Variants in FCHSD2 observed in about 807,000 individuals in gnomAD.
FCHSD2 encodes FCH and double SH3 domains 2.
Under a neutral mutation model 108.1 loss-of-function variants are expected in FCHSD2, and 38 were observed. The observed-to-expected ratio is 0.35, with a 90% CI of 0.27 to 0.46. The LOEUF is 0.46. FCHSD2 is among the 20% of genes least tolerant of loss of function. The pLI is 1.00. For missense variants in FCHSD2, 751 were observed against 897.8 expected (o/e 0.84, Z 2.09); for synonymous variants, 279 against 314.7 (o/e 0.89, Z 1.20).
chr11:73,058,193 T>C (rs1389229872), intron 3 of FCHSD2, among the ~76,000 whole-genome samples: 1 of 152,126 alleles, frequency 6.6e-6, no homozygotes, highest in Admixed American at 6.6e-5. Context: ...CTGTATTCTT[T>C]AAAGGTATTG....
intron 2 of FCHSD2, among the ~76,000 whole-genome samples, chr11:73,120,596 G>A (rs1419061547): frequency 1.3e-5 from 2 of 152,040 alleles, no homozygotes; most frequent in Non-Finnish European, 2.9e-5. Context: ...GGGCGTGGTG[G>A]TGCATGCCTA....
chr11:72,903,417 C>G (rs1855568234), intron 9 of FCHSD2, among the ~76,000 whole-genome samples: 1 of 152,064 alleles, frequency 6.6e-6, no homozygotes, highest in South Asian at 2.1e-4. Context: ...GATGGGGTTT[C>G]ACCCTGTTAG....
At chr11:73,021,409 G>A (rs1267458488) in intron 3 of FCHSD2, among the ~76,000 whole-genome samples, 1 of 152,074 alleles carries the variant, frequency 6.6e-6, no homozygotes, top group Non-Finnish European at 1.5e-5. Flanking sequence ...CCTTTGCAGG[G>A]GCGTGGATGG....
chr11:72,897,676 C>A (rs574121111), intron 10 of FCHSD2, among the ~76,000 whole-genome samples: 1 of 152,262 alleles, frequency 6.6e-6, no homozygotes, highest in African/African-American at 2.4e-5. Context: ...GACACCCAAA[C>A]CCATGTTTTC....
intron 8 of FCHSD2, among the ~76,000 whole-genome samples, chr11:72,952,577 G>A (rs759133426): frequency 2.0e-5 from 3 of 152,072 alleles, no homozygotes; most frequent in South Asian, 2.1e-4. Context: ...TACCGGCCTC[G>A]GCCTCTCAAA....
intron 3 of FCHSD2, among the ~76,000 whole-genome samples, chr11:73,035,664 T>A (rs1858475043): frequency 6.6e-6 from 1 of 151,976 alleles, no homozygotes; most frequent in African/African-American, 2.4e-5. Flanking sequence ...CAAATGCTAT[T>A]TTAAGTACTG....
chr11:72,885,541 G>A (rs1247571800), intron 12 of FCHSD2, among the ~76,000 whole-genome samples: 1 of 152,116 alleles, frequency 6.6e-6, no homozygotes, highest in Non-Finnish European at 1.5e-5. Flanking sequence ...TGCTACTACT[G>A]GGGATGGCGG....
intron 1 of FCHSD2, among the ~76,000 whole-genome samples, 199 bp from the exon 2 acceptor site, chr11:73,140,327 T>A (rs1209842198): frequency 2.6e-5 from 4 of 152,018 alleles, no homozygotes; most frequent in Non-Finnish European, 4.4e-5. Flanking sequence ...TGAACAGAGG[T>A]TAAATGAAAA....
intron 8 of FCHSD2, among the ~76,000 whole-genome samples, chr11:72,964,232 T>C (rs1167499572): frequency 6.6e-6 from 1 of 152,152 alleles, no homozygotes; most frequent in East Asian, 1.9e-4. Context: ...ATCAGTGCAA[T>C]ATGTACAGGA....
At chr11:72,922,095 T>C (rs1855985999) in intron 8 of FCHSD2, 145 bp from the exon 9 acceptor site, 2 of 589,328 alleles carry the variant, frequency 3.4e-6, no homozygotes, top group East Asian at 2.8e-5. Flanking sequence ...TGTAAGTAAA[T>C]ATGAACAGTT....
At chr11:73,133,758 A>T in intron 2 of FCHSD2, among the ~76,000 whole-genome samples, 1 of 142,452 alleles carries the variant, frequency 7.0e-6, no homozygotes. Flanking sequence ...GCGCCACTGC[A>T]CTCCAGTATG....
chr11:72,874,434 C>T (rs771811241), intron 12 of FCHSD2, among the ~76,000 whole-genome samples: 1 of 152,210 alleles, frequency 6.6e-6, no homozygotes, highest in Non-Finnish European at 1.5e-5. Context: ...AAGTGATCCT[C>T]CTGCCTCAGC....
rs139716607 is a variant in FCHSD2, at chr11:73,014,349, G to C, written c.242+1460C>G. Among the ~76,000 whole-genome samples, 7 of 151,860 alleles carry C rather than the reference G, an allele frequency of 4.6e-5. No homozygotes were observed. In the East Asian group the frequency reaches 1.4e-3, roughly 29 times the overall value. ...TCACTATACTGCCCAGTCTAGTCTT[G>C]AACTACTTGCCTCAAGTGATCCTTC... On this transcript the variant is annotated intron_variant, in intron 4 of 19. Transcript: ENST00000409418.
At chr11:72,881,880 G>A (rs1258756664) in intron 12 of FCHSD2, among the ~76,000 whole-genome samples, 4 of 152,192 alleles carry the variant, frequency 2.6e-5, no homozygotes, top group South Asian at 2.1e-4. Context: ...GGTGGCTCAC[G>A]CCTGTAATCC....
chr11:73,008,146 C>A (rs1241201078), intron 4 of FCHSD2, among the ~76,000 whole-genome samples: 1 of 152,028 alleles, frequency 6.6e-6, no homozygotes, highest in East Asian at 1.9e-4. Context: ...TGCGACCAGC[C>A]TGGCCAACAT....
chr11:72,969,818 T>G (rs1196556958), intron 8 of FCHSD2, among the ~76,000 whole-genome samples: 1 of 152,142 alleles, frequency 6.6e-6, no homozygotes, highest in Non-Finnish European at 1.5e-5. Context: ...CTTAAGTGAT[T>G]TATTGGATGA....
intron 10 of FCHSD2, among the ~76,000 whole-genome samples, chr11:72,897,423 A>G (rs1176871508): frequency 6.6e-6 from 1 of 151,874 alleles, no homozygotes; most frequent in Non-Finnish European, 1.5e-5. Flanking sequence ...TTATTAGCAT[A>G]GCATTTACAT....
chr11:73,109,066 G>A (rs562116565), intron 2 of FCHSD2, among the ~76,000 whole-genome samples: 8 of 152,090 alleles, frequency 5.3e-5, no homozygotes, highest in Non-Finnish European at 8.8e-5. Context: ...TTGCTTTTGG[G>A]TTCTCTATTC....
chr11:73,032,759 T>C (rs1318003085), intron 3 of FCHSD2, among the ~76,000 whole-genome samples: 1 of 151,522 alleles, frequency 6.6e-6, no homozygotes, highest in Admixed American at 6.6e-5. Context: ...AGAGGTGGGG[T>C]GCAAGTGGGA....
Sources: gnomAD v4.1 joint callset for allele counts (sites outside exome capture counted in the v4.1 genomes callset) on GRCh38, gnomAD v4.1.1 for gene constraint, MANE v1.5 for transcripts, NCBI Gene and HGNC (gene_info 2026-07-23, HGNC 2026-07-21) for gene names.